GPR132: variants seen among roughly 807,000 people sequenced by gnomAD.
GPR132 encodes the protein probable G protein-coupled receptor 132.
In GPR132, 4 loss-of-function variants were observed where a neutral mutation model predicts 1.9. The ratio of observed to expected loss-of-function variants is 2.13; its 90% CI spans 1.05 to 4.87. The LOEUF (loss-of-function observed/expected upper bound fraction) is 4.87. GPR132 is among the 30% of genes most tolerant of loss of function. The probability of loss-of-function intolerance (pLI) is 0.01; values close to 1 mark genes in which losing one functional copy is unlikely to be tolerated. For synonymous variants in GPR132, 233 were observed against 234.2 expected (o/e 0.99, Z 0.05); for missense variants, 404 against 512.5 (o/e 0.79, Z 2.04).
rs1396469875 is a variant in GPR132 at position 105,059,724 on chromosome 14, C to A, written c.-860-2444G>T. On this transcript the variant is annotated intron_variant, in intron 1 of 3. Coordinates refer to ENST00000329797, the MANE Select transcript of GPR132 (RefSeq NM_013345.4). This position sits in a 1 kb window ranked among gnomAD's most constrained non-coding sequence, Gnocchi z 4.2. Reference sequence around the variant, plus strand: ...ATGAAACCAGGCTGCGCCCGACCACCCTGGGCACGTCATCAGGACTTCCTG... The same window carrying A: ...ATGAAACCAGGCTGCGCCCGACCACACTGGGCACGTCATCAGGACTTCCTG... Among the ~76,000 whole-genome samples the A allele has an allele frequency of 2.6e-5, 4 of 152,140 alleles. No homozygotes were observed. Among genetic ancestry groups the A allele is most frequent in the Non-Finnish European group, 5.9e-5 (4 of 68,032 alleles).
At position 105,051,814 on chromosome 14, in the gene GPR132, C is replaced by T; in HGVS notation, c.323G>A (p.Trp108Ter). The T allele has an allele frequency of 6.2e-7, 1 of 1,614,150 alleles. No homozygotes were observed. The highest frequency in any genetic ancestry group is 8.5e-7 in the Non-Finnish European group (1 of 1,180,038). Residue 108 changes from tryptophan to a stop codon, truncating the protein, a stop_gained, in exon 4 of 4, where the codon TGG becomes TAG. Coordinates refer to ENST00000329797, the MANE Select transcript of GPR132 (RefSeq NM_013345.4). LOFTEE classifies it low-confidence loss of function (END_TRUNC). This position sits in a 1 kb window ranked among gnomAD's most constrained non-coding sequence, Gnocchi z 8.0. ...WVIYIRNQHR[W>*]TLGLLACKVT... ...CTTGCAGGCCAGCAGGCCTAGGGTC[C>T]AGCGGTGCTGGTTGCGGATATAGAT... is the stretch of plus-strand genomic sequence containing the variant.
rs981300302 is a variant in GPR132 at position 105,055,601 on chromosome 14, C to T, written c.-181G>A. ...CTCCCCACGTGGGTGGGCATCTCTGCGTGTCTTCAGCGTGTGTCCTTCCGT... is the reference window on the plus strand; with the variant it reads ...CTCCCCACGTGGGTGGGCATCTCTGTGTGTCTTCAGCGTGTGTCCTTCCGT... On this transcript the variant is annotated 5_prime_UTR_variant, in exon 3 of 4. Coordinates refer to ENST00000329797, the MANE Select transcript of GPR132 (RefSeq NM_013345.4). The surrounding 1 kb of genome is among the most constrained non-coding windows in gnomAD (Gnocchi z 4.7). 9.1e-6 allele frequency: 6 copies of T among 656,178 alleles called. No individual in the cohort carries two copies. Among genetic ancestry groups the T allele is most frequent in the South Asian group, 5.3e-5 (3 of 56,952 alleles). 40.6% of individuals were successfully genotyped at this position (656,178 alleles called of 1,614,324 possible).
In GPR132 at chr14:105,057,290, G is replaced by A; in HGVS notation, c.-860-10C>T. The A allele has an allele frequency of 1.4e-6, 1 of 736,450 alleles. No individual in the cohort carries two copies. The highest frequency in any genetic ancestry group is 2.3e-6 in the Non-Finnish European group (1 of 429,764). The allele number at this position is 736,450 out of a possible 1,614,324, so 45.6% of individuals were successfully genotyped here. ...GAGAGTTTAAAATGACCTGGAAAAA[G>A]AGTAGGTTGAAATTGTTTTAGGGAA... On this transcript the variant is annotated splice_polypyrimidine_tract_variant and intron_variant, in intron 1 of 3. Transcript: ENST00000329797.
In GPR132 at chr14:105,051,906, C is replaced by T; in HGVS notation, c.231G>A (p.Leu77=). The change falls in exon 4 of 4, where the codon CTG becomes CTA. Residue 77 remains leucine, a synonymous_variant. Transcript: ENST00000329797. The surrounding 1 kb of genome is among the most constrained non-coding windows in gnomAD (Gnocchi z 8.0). ...GTGCCAGGCAGAGCAGGTAGACGGC[C>T]AGCACGTTGCCCTGCAGTACCTGCA... ...ALLQVLQGNV[L]AVYLLCLALC... is the part of the protein sequence containing the mutation. 6.2e-7 allele frequency: 1 copy of T among 1,613,574 alleles called. No individual in the cohort carries two copies. The highest frequency in any genetic ancestry group is 8.5e-7 in the Non-Finnish European group (1 of 1,179,922).
rs1346974890 is a variant in GPR132, at chr14:105,051,970, C to T, written c.167G>A (p.Gly56Glu). 2.2e-5 allele frequency: 36 copies of T among 1,613,344 alleles called. No individual in the cohort carries two copies. Among genetic ancestry groups the T allele is most frequent in the Non-Finnish European group, 3.0e-5 (35 of 1,180,018 alleles). The part of the protein sequence containing the change: ...VVVYSAVCTL[G>E]VPANCLTAWL... ...CGCAGTCAGGCAGTTGGCCGGCACC[C>T]CCAGCGTGCACACCGCGCTGTACAC... is the stretch of plus-strand genomic sequence containing the variant. The change falls in exon 4 of 4, where the codon GGG (glycine) becomes GAG (glutamate). Residue 56 changes from glycine (G) to glutamate (E), a missense_variant. Gly to Glu is a moderately conservative substitution (Grantham distance 98, BLOSUM62 -2). Transcript: ENST00000329797. The surrounding 1 kb of genome is among the most constrained non-coding windows in gnomAD (Gnocchi z 8.0).
chr14:105,063,141 G>A (rs1351154197), intron 1 of GPR132, among the ~76,000 whole-genome samples: 2 of 152,028 alleles, frequency 1.3e-5, no homozygotes, highest in East Asian at 1.9e-4. Flanking sequence ...GGCTGGTCTC[G>A]AGCTCCTGGG....
In GPR132 at chr14:105,052,013, TG is replaced by T; in HGVS notation, c.123del (p.Ser41ArgfsTer3). The T allele has an allele frequency of 6.2e-7, 1 of 1,611,640 alleles. No homozygotes were observed. The highest frequency in any genetic ancestry group is 8.5e-7 in the Non-Finnish European group (1 of 1,179,726). Reference protein sequence around the residue: ...KTCNNVSFEESRIVLVVVYSA... With the variant: ...KTCNNVSFEEXRIVLVVVYSA... ...CTGTACACCACGACCAGGACTATCC[TG>T]CTCTCTTCGAAGGACACGTTGTTGC... is the stretch of plus-strand genomic sequence containing the variant. On this transcript the variant is annotated frameshift_variant, in exon 4 of 4. Transcript: ENST00000329797. LOFTEE classifies it low-confidence loss of function (END_TRUNC).
rs1186348718 is a variant in GPR132, at chr14:105,050,193, C to A, written c.*801G>T. Reference sequence around the variant, plus strand: ...AGACAAGCAGGCCAACTGCTGCACTCCCCCCTCAGTAAGGGGCTAGGGGTG... The same window carrying A: ...AGACAAGCAGGCCAACTGCTGCACTACCCCCTCAGTAAGGGGCTAGGGGTG... On this transcript the variant is annotated 3_prime_UTR_variant, in exon 4 of 4. Coordinates refer to ENST00000329797, the MANE Select transcript of GPR132 (RefSeq NM_013345.4). The surrounding 1 kb of genome is among the most constrained non-coding windows in gnomAD (Gnocchi z 4.0). 1 of 152,520 alleles carries A rather than the reference C, an allele frequency of 6.6e-6. No homozygotes were observed. The highest frequency in any genetic ancestry group is 1.9e-4 in the East Asian group (1 of 5,186). 9.4% of individuals were successfully genotyped at this position (152,520 alleles called of 1,614,324 possible). A position where few individuals can be genotyped will look rare whatever the true frequency, so the allele number is the denominator to read the frequency against.
rs1186743501 is a variant in GPR132 at position 105,051,459 on chromosome 14, G to C, written c.678C>G (p.Ile226Met). ...AFTNHRIFRS[I>M]KQSMGLSAAQ... is the part of the protein sequence containing the mutation. The stretch of plus-strand genomic sequence containing the variant: ...CAGCGCTTAAGCCCATGCTCTGCTT[G>C]ATGCTCCTGAAAATCCGGTGGTTGG... Residue 226 changes from isoleucine to methionine, a missense_variant, in exon 4 of 4, where the codon ATC becomes ATG. By Grantham distance (10) the Ile-to-Met change is conservative. Transcript: ENST00000329797. The surrounding 1 kb of genome is among the most constrained non-coding windows in gnomAD (Gnocchi z 8.0). 2 of 1,614,062 alleles carry C rather than the reference G, an allele frequency of 1.2e-6. No individual in the cohort carries two copies. The highest frequency in any genetic ancestry group is 3.3e-5 in the Admixed American group (2 of 60,026).
At chr14:105,058,621 A>G (rs1886861600) in intron 1 of GPR132, among the ~76,000 whole-genome samples, 1 of 152,220 alleles carries the variant, frequency 6.6e-6, no homozygotes, top group Non-Finnish European at 1.5e-5. Flanking sequence ...TCTACTTTTG[A>G]CCTGGCTGAT....
At chr14:105,064,886 C>T (rs1467021928) in intron 1 of GPR132, among the ~76,000 whole-genome samples, 1 of 152,062 alleles carries the variant, frequency 6.6e-6, no homozygotes, top group Non-Finnish European at 1.5e-5. Context: ...GTGACTGGGC[C>T]AACTGCCACT....
In GPR132 at chr14:105,055,907, T is replaced by C; in HGVS notation, c.-487A>G. ...TGCCTCTGTGCCTTAGCTGAGCTGC[T>C]GAGAATGACGGTGTCAAGAACATGA... is the stretch of plus-strand genomic sequence containing the variant. On this transcript the variant is annotated 5_prime_UTR_variant, in exon 3 of 4. Transcript: ENST00000329797. The surrounding 1 kb of genome is among the most constrained non-coding windows in gnomAD (Gnocchi z 4.7). 6.3e-6 allele frequency: 1 copy of C among 158,364 alleles called. No homozygotes were observed. Among genetic ancestry groups the C allele is most frequent in the South Asian group, 2.0e-4 (1 of 5,048 alleles). The allele number at this position is 158,364 out of a possible 1,614,324, so 9.8% of individuals were successfully genotyped here. A position where few individuals can be genotyped will look rare whatever the true frequency, so the allele number is the denominator to read the frequency against.
chr14:105,057,172 A>C lies in GPR132; in HGVS notation c.-752T>G. 6.5e-7 allele frequency: 1 copy of C among 1,533,702 alleles called. No homozygotes were observed. The highest frequency in any genetic ancestry group is 8.7e-7 in the Non-Finnish European group (1 of 1,144,710). ...GTCGGAGAAGGCTCTCTCACCTGGC[A>C]TATTTTGCGGGTTCCAATCTCAGTG... On this transcript the variant is annotated 5_prime_UTR_variant, in exon 2 of 4. The change abolishes an upstream ATG in the 5' untranslated region. Coordinates refer to ENST00000329797, the MANE Select transcript of GPR132 (RefSeq NM_013345.4).
At chr14:105,062,269 C>G (rs1886963834) in intron 1 of GPR132, among the ~76,000 whole-genome samples, 1 of 152,206 alleles carries the variant, frequency 6.6e-6, no homozygotes, top group Admixed American at 6.5e-5. Flanking sequence ...TGACCAAGCC[C>G]CTCATCACCC....
At position 105,052,073 on chromosome 14, in the gene GPR132, G is replaced by A; in HGVS notation, c.64C>T (p.Pro22Ser). 6.3e-7 allele frequency: 1 copy of A among 1,587,780 alleles called. No homozygotes were observed. Among genetic ancestry groups the A allele is most frequent in the African/African-American group, 1.3e-5 (1 of 74,804 alleles). ...GNATPVTTTA[P>S]WASLGLSAKT... ...GCGGAGAGGCCCAGGGAGGCCCACG[G>A]GGCAGTGGTGGTCACTGGGGTGGCG... Residue 22 changes from proline to serine, a missense_variant, in exon 4 of 4, where the codon CCG becomes TCG. Transcript: ENST00000329797.
chr14:105,052,917 C>T (rs1886689651), intron 3 of GPR132, among the ~76,000 whole-genome samples: 1 of 150,280 alleles, frequency 6.7e-6, no homozygotes, highest in African/African-American at 2.4e-5. Flanking sequence ...TGAGATCGTG[C>T]CGCTGTACTC....
chr14:105,056,257 G>T lies in GPR132; in HGVS notation c.-746-91C>A. On this transcript the variant is annotated intron_variant, in intron 2 of 3. Coordinates refer to ENST00000329797, the MANE Select transcript of GPR132 (RefSeq NM_013345.4). The surrounding 1 kb of genome is among the most constrained non-coding windows in gnomAD (Gnocchi z 6.0). ...AGACACAGGCCTGTGGCGGGCGGCGGGGGGCAGTGAAGGCAGTTCTCGGGT... is the reference window on the plus strand; with the variant it reads ...AGACACAGGCCTGTGGCGGGCGGCGTGGGGCAGTGAAGGCAGTTCTCGGGT... 1.3e-6 allele frequency: 1 copy of T among 766,060 alleles called. No individual in the cohort carries two copies. Among genetic ancestry groups the T allele is most frequent in the Non-Finnish European group, 1.6e-6 (1 of 629,518 alleles). The allele number at this position is 766,060 out of a possible 1,614,324, so 47.5% of individuals were successfully genotyped here. A position where few individuals can be genotyped will look rare whatever the true frequency, so the allele number is the denominator to read the frequency against.
In GPR132 at chr14:105,051,899, A is replaced by C; in HGVS notation, c.238T>G (p.Tyr80Asp). ...QVLQGNVLAV[Y>D]LLCLALCELL... ...TCGCAGAGTGCCAGGCAGAGCAGGT[A>C]GACGGCCAGCACGTTGCCCTGCAGT... The change falls in exon 4 of 4, where the codon TAC (tyrosine) becomes GAC (aspartate). Residue 80 changes from tyrosine to aspartate, a missense_variant. Physicochemically the swap from Tyr to Asp is radical, Grantham distance 160. Transcript: ENST00000329797. This position sits in a 1 kb window ranked among gnomAD's most constrained non-coding sequence, Gnocchi z 8.0. 5 of 1,613,642 alleles carry C rather than the reference A, an allele frequency of 3.1e-6. No homozygotes were observed. Among genetic ancestry groups the C allele is most frequent in the Non-Finnish European group, 4.2e-6 (5 of 1,179,912 alleles).
Position 105,056,255 on chromosome 14 carries a change from CG to C in GPR132, c.-746-90del. 1.3e-6 allele frequency: 1 copy of C among 775,116 alleles called. No individual in the cohort carries two copies. Among genetic ancestry groups the C allele is most frequent in the Non-Finnish European group, 1.6e-6 (1 of 637,846 alleles). 48.0% of individuals were successfully genotyped at this position (775,116 alleles called of 1,614,324 possible). ...CAAGACACAGGCCTGTGGCGGGCGG[CG>C]GGGGGCAGTGAAGGCAGTTCTCGGG... On this transcript the variant is annotated intron_variant, in intron 2 of 3. Transcript: ENST00000329797. The surrounding 1 kb of genome is among the most constrained non-coding windows in gnomAD (Gnocchi z 6.0).
Sources: allele counts gnomAD v4.1 joint callset (sites outside exome capture counted in the v4.1 genomes callset), GRCh38; gene constraint gnomAD v4.1.1; non-coding constraint Gnocchi (gnomAD v3.1); transcripts MANE v1.5; gene names NCBI Gene and HGNC (gene_info 2026-07-23, HGNC 2026-07-21).